The following GTF3C6 variants were observed in gnomAD, a reference collection of about 807,000 sequenced individuals.
GTF3C6 encodes general transcription factor IIIC subunit 6.
A neutral mutation model predicts 19.2 loss-of-function variants in GTF3C6; 11 were observed. The ratio of observed to expected loss-of-function variants is 0.57; its 90% CI spans 0.36 to 0.95. The LOEUF is 0.95. GTF3C6 is among the 40% of genes least tolerant of loss of function. The probability of loss-of-function intolerance (pLI) is 0.01; values close to 1 mark genes in which losing one functional copy is unlikely to be tolerated. For synonymous variants in GTF3C6, 87 were observed against 84.2 expected, an observed-to-expected ratio of 1.03 and a Z score of -0.18; for missense variants, 222 against 254.7, an observed-to-expected ratio of 0.87 and a Z score of 0.87.
intron 2 of GTF3C6, 120 bp downstream of exon 2, chr6:110,959,372 C>T: frequency 1.5e-6 from 1 of 669,574 alleles, no homozygotes; most frequent in African/African-American, 1.8e-5. Context: ...AAGTAGTGAA[C>T]TCTAAGGATA....
intron 2 of GTF3C6, among the ~76,000 whole-genome samples, chr6:110,959,702 C>T (rs1375916308): frequency 2.6e-5 from 4 of 152,100 alleles, no homozygotes; most frequent in Admixed American, 6.6e-5. Context: ...TGGCTCACGC[C>T]TGTAATCCCA....
Position 110,967,728 on chromosome 6 carries a change from C to T in GTF3C6, c.580C>T (p.Leu194Phe), listed in dbSNP as rs1554245518. The T allele has an allele frequency of 1.2e-6, 2 of 1,613,882 alleles. No homozygotes were observed. Among genetic ancestry groups the T allele is most frequent in the Middle Eastern group, 1.7e-4 (1 of 6,060 alleles). Residue 194 changes from leucine to phenylalanine, a missense_variant, in exon 6 of 6, where the codon CTT becomes TTT. Transcript: ENST00000329970. ...CTTGGAAATAGAAGATTCTGGTCCT[C>T]TTATTGATATACCTTCTGAGACAGA... is the stretch of plus-strand genomic sequence containing the variant. The part of the protein sequence containing the change: ...MHLEIEDSGP[L>F]IDIPSETEGS...
In GTF3C6 at chr6:110,959,331, G is replaced by A. The variant is rs574088446; in HGVS notation, c.138+79G>A. On this transcript the variant is annotated intron_variant, in intron 2 of 5. Coordinates refer to ENST00000329970, the MANE Select transcript of GTF3C6 (RefSeq NM_138408.4). ...AGAATCAATGGTGAAATACCTATCC[G>A]CAAGTATTGATATATTTATTTCACC... The A allele has an allele frequency of 6.9e-5, 58 of 836,208 alleles. 1 individual carries two copies. In the South Asian group the frequency reaches 8.1e-4, roughly 12 times the overall value. 51.8% of individuals were successfully genotyped at this position (836,208 alleles called of 1,614,324 possible).
chr6:110,962,540 A>G (rs1483301718), intron 5 of GTF3C6, 35 bp downstream of exon 5: 5 of 1,117,904 alleles, frequency 4.5e-6, no homozygotes, highest in Non-Finnish European at 6.8e-6. Flanking sequence ...CAGGTGATCC[A>G]GTACTGGCTT....
chr6:110,963,441 CCT>C, intron 5 of GTF3C6, among the ~76,000 whole-genome samples: 1 of 152,210 alleles, frequency 6.6e-6, no homozygotes, highest in South Asian at 2.1e-4. Context: ...CTCCCTCTCC[CCT>C]CTTTAATTAA....
intron 5 of GTF3C6, among the ~76,000 whole-genome samples, chr6:110,964,835 CTT>C (rs34290194): frequency 4.3e-4 from 57 of 133,222 alleles, no homozygotes; most frequent in African/African-American, 5.9e-4. Context: ...AGTTTTTTTT[CTT>C]TTTTTTTTTT....
At position 110,962,370 on chromosome 6, in the gene GTF3C6, ATGT is replaced by A. The variant is rs754716174; in HGVS notation, c.248-17_248-15del. The stretch of plus-strand genomic sequence containing the variant: ...ATTTGATGGCATAAGAAGTATAATA[ATGT>A]TGTTCATTTCTGTTCCAGCTGATAC... On this transcript the variant is annotated intron_variant, in intron 4 of 5. Transcript: ENST00000329970. 45 of 1,224,590 alleles carry A rather than the reference ATGT, an allele frequency of 3.7e-5. No homozygotes were observed. The highest frequency in any genetic ancestry group is 1.9e-4 in the Middle Eastern group (1 of 5,316). The allele number at this position is 1,224,590 out of a possible 1,614,324, so 75.9% of individuals were successfully genotyped here. A position where few individuals can be genotyped will look rare whatever the true frequency, so the allele number is the denominator to read the frequency against.
intron 4 of GTF3C6, 32 bp downstream of exon 4, chr6:110,960,648 A>G (rs1771147963): frequency 2.0e-6 from 3 of 1,528,138 alleles, no homozygotes; most frequent in Non-Finnish European, 2.7e-6. Context: ...CCTTTTTAAT[A>G]CGAACTATTT....
chr6:110,964,623 T>C (rs1771205432), intron 5 of GTF3C6, among the ~76,000 whole-genome samples: 1 of 151,734 alleles, frequency 6.6e-6, no homozygotes, highest in African/African-American at 2.4e-5. Flanking sequence ...GCCCAGCCTT[T>C]CTTTTCCTTT....
At chr6:110,966,380 G>A (rs1260848568) in intron 5 of GTF3C6, among the ~76,000 whole-genome samples, 1 of 152,164 alleles carries the variant, frequency 6.6e-6, no homozygotes, top group African/African-American at 2.4e-5. Context: ...GGGAGGCTGA[G>A]GTGGGAGAAT....
intron 4 of GTF3C6, among the ~76,000 whole-genome samples, chr6:110,961,828 C>T (rs1771164212): frequency 6.6e-6 from 1 of 152,180 alleles, no homozygotes; most frequent in Non-Finnish European, 1.5e-5. Flanking sequence ...GGTTTAATCT[C>T]ACTCATAACT....
intron 1 of GTF3C6, 66 bp downstream of exon 1, chr6:110,958,892 G>C: frequency 6.6e-7 from 1 of 1,506,146 alleles, no homozygotes. Flanking sequence ...CTGTGTGTGG[G>C]GAAGGGAGTT....
intron 5 of GTF3C6, 131 bp from the exon 6 acceptor site, chr6:110,967,379 A>T: frequency 1.3e-6 from 1 of 767,448 alleles, no homozygotes; most frequent in East Asian, 2.7e-5. Flanking sequence ...TACAGACACC[A>T]TATTCCTTGG....
chr6:110,962,048 G>A (rs911968013), intron 4 of GTF3C6, among the ~76,000 whole-genome samples: 1 of 151,960 alleles, frequency 6.6e-6, no homozygotes, highest in Non-Finnish European at 1.5e-5. Context: ...GATTACAGGC[G>A]TGTGCCACCA....
chr6:110,960,919 C>T lies in GTF3C6; in HGVS notation c.247+303C>T, dbSNP rs62420354. Among the ~76,000 whole-genome samples, 231 of 151,910 alleles carry T rather than the reference C, an allele frequency of 1.5e-3. 2 individuals carry two copies. The highest frequency in any genetic ancestry group is 2.7e-3 in the Non-Finnish European group (186 of 67,964). ...TACAAAAATTAGCTGGGTATGGTGG[C>T]ATGTGCCTCCCAGCTACTCGGGAGA... On this transcript the variant is annotated intron_variant, in intron 4 of 5. Coordinates refer to ENST00000329970, the MANE Select transcript of GTF3C6 (RefSeq NM_138408.4).
intron 2 of GTF3C6, 91 bp downstream of exon 2, chr6:110,959,343 A>G (rs753875066): frequency 1.3e-5 from 10 of 784,058 alleles, no homozygotes; most frequent in Non-Finnish European, 2.2e-5. Context: ...AAGTATTGAT[A>G]TATTTATTTC....
chr6:110,959,213 A>C lies in GTF3C6; in HGVS notation c.99A>C (p.Ser33=). The C allele has an allele frequency of 1.2e-6, 2 of 1,612,936 alleles. No homozygotes were observed. The highest frequency in any genetic ancestry group is 1.7e-6 in the Non-Finnish European group (2 of 1,178,930). The change falls in exon 2 of 6, where the codon TCA becomes TCC. Residue 33 remains serine, a synonymous_variant. Coordinates refer to ENST00000329970, the MANE Select transcript of GTF3C6 (RefSeq NM_138408.4). ...TGGAATTATCAGGAATTATTGATTCAGACTTCCTCTCAAAATGTGAAAATA... is the reference window on the plus strand; with the variant it reads ...TGGAATTATCAGGAATTATTGATTCCGACTTCCTCTCAAAATGTGAAAATA... ...VLVELSGIID[S]DFLSKCENKC... is the part of the protein sequence containing the mutation.
At chr6:110,963,706 T>C (rs1771193409) in intron 5 of GTF3C6, among the ~76,000 whole-genome samples, 1 of 149,172 alleles carries the variant, frequency 6.7e-6, no homozygotes, top group Non-Finnish European at 1.5e-5. Flanking sequence ...AAGCTGGCTT[T>C]TTTTTTTTTT....
At position 110,958,754 on chromosome 6, in the gene GTF3C6, G is replaced by C. The variant is rs1046202169; in HGVS notation, c.-16G>C. 6 of 1,550,526 alleles carry C rather than the reference G, an allele frequency of 3.9e-6. No individual in the cohort carries two copies. In the African/African-American group the frequency reaches 5.5e-5, roughly 14 times the overall value. On this transcript the variant is annotated 5_prime_UTR_variant, in exon 1 of 6. Coordinates refer to ENST00000329970, the MANE Select transcript of GTF3C6 (RefSeq NM_138408.4). ...CGGGCGTGGCCAGTGACTAGAAGGC[G>C]AGGCGCCGCGGGACCATGGCGGCGG... is the stretch of plus-strand genomic sequence containing the variant.
Sources: allele counts gnomAD v4.1 joint callset (sites outside exome capture counted in the v4.1 genomes callset), GRCh38; gene constraint gnomAD v4.1.1; transcripts MANE v1.5; gene names NCBI Gene and HGNC (gene_info 2026-07-23, HGNC 2026-07-21).